The following FBXW7 variants were observed in gnomAD, a reference collection of about 807,000 sequenced individuals.
FBXW7 encodes the protein F-box and WD repeat domain containing 7.
FBXW7 carries 11 observed loss-of-function variants against 86.3 expected under a neutral mutation model. The observed-to-expected ratio is 0.13, with a 90% CI of 0.08 to 0.21. FBXW7 has a LOEUF of 0.21. Ranked by LOEUF, FBXW7 falls within the 10% of genes least tolerant of loss-of-function variation. FBXW7 has a pLI of 1.00. For synonymous variants in FBXW7, 313 were observed against 297.9 expected (o/e 1.05, Z -0.52); for missense variants, 488 against 847.4 (o/e 0.58, Z 5.27).
At chr4:152,440,403 G>A (rs773463567) in intron 2 of FBXW7, among the ~76,000 whole-genome samples, 30 of 152,214 alleles carry the variant, frequency 2.0e-4, no homozygotes, top group Non-Finnish European at 3.7e-4. Context: ...TCACTAAGCA[G>A]AACAATAACA....
chr4:152,354,352 T>C (rs1333504029), intron 4 of FBXW7, among the ~76,000 whole-genome samples: 1 of 151,880 alleles, frequency 6.6e-6, no homozygotes, highest in Non-Finnish European at 1.5e-5. Flanking sequence ...AACAAAAAAA[T>C]CTAATTGTTA....
intron 2 of FBXW7, among the ~76,000 whole-genome samples, chr4:152,422,628 T>C (rs1036912032): frequency 5.3e-5 from 8 of 152,106 alleles, no homozygotes; most frequent in African/African-American, 1.9e-4. Context: ...TAAAATAAAA[T>C]ACAGATACAG....
intron 2 of FBXW7, among the ~76,000 whole-genome samples, chr4:152,448,986 T>C (rs1338375581): frequency 1.3e-5 from 2 of 152,194 alleles, no homozygotes; most frequent in Non-Finnish European, 2.9e-5. Context: ...GTTCCCTCTG[T>C]AAATGCACAC....
chr4:152,518,077 C>T (rs1399338612), intron 2 of FBXW7, among the ~76,000 whole-genome samples: 1 of 152,184 alleles, frequency 6.6e-6, no homozygotes, highest in African/African-American at 2.4e-5. Context: ...CAACCTCCAC[C>T]ACCCGGGTTC....
chr4:152,527,865 T>TACACACACACACAC (rs149379203), intron 2 of FBXW7, among the ~76,000 whole-genome samples: 2 of 137,392 alleles, frequency 1.5e-5, no homozygotes, highest in African/African-American at 6.2e-5. Flanking sequence ...AAAAATTATA[T>TACACACACACACAC]ACACACACAC....
In FBXW7 at chr4:152,357,752, G is replaced by A. The variant is rs188098789; in HGVS notation, c.502-7628C>T. ...GTAAGTTTTTTCATTCCTTCAGATT[G>A]GGCCAAATTAGTCATCTGATGGACA... On this transcript the variant is annotated intron_variant, in intron 4 of 13. Coordinates refer to ENST00000281708, the MANE Select transcript of FBXW7 (RefSeq NM_001349798.2). 3.4e-4 allele frequency among the ~76,000 whole-genome samples: 52 copies of A among 152,128 alleles called. No individual in the cohort carries two copies. In the South Asian group the frequency reaches 3.7e-3, roughly 11 times the overall value.
chr4:152,464,783 T>C (rs999593552), intron 2 of FBXW7, among the ~76,000 whole-genome samples: 2 of 152,230 alleles, frequency 1.3e-5, no homozygotes, highest in African/African-American at 4.8e-5. Flanking sequence ...TCTATGTATG[T>C]GGCTTAATCT....
intron 2 of FBXW7, among the ~76,000 whole-genome samples, chr4:152,464,632 C>T (rs1488162172): frequency 3.3e-5 from 5 of 152,086 alleles, no homozygotes; most frequent in South Asian, 2.1e-4. Context: ...ACTCTAGCAA[C>T]GCTAGGCAGC....
chr4:152,409,283 C>T (rs1050798539), intron 4 of FBXW7, among the ~76,000 whole-genome samples: 1 of 152,096 alleles, frequency 6.6e-6, no homozygotes, highest in Non-Finnish European at 1.5e-5. Flanking sequence ...TATGCCTCTA[C>T]TCTCAAAAGT....
intron 2 of FBXW7, among the ~76,000 whole-genome samples, chr4:152,455,135 AT>A (rs1742290601): frequency 6.6e-6 from 1 of 152,164 alleles, no homozygotes; most frequent in African/African-American, 2.4e-5. Context: ...CTAAATACTG[AT>A]TTTTTAAATA....
chr4:152,373,887 C>T (rs1400854883), intron 4 of FBXW7, among the ~76,000 whole-genome samples: 7 of 151,824 alleles, frequency 4.6e-5, no homozygotes, highest in East Asian at 3.9e-4. Flanking sequence ...CAAAGAAAAC[C>T]GACAATTACA....
At chr4:152,435,589 CATTAGCTTG>C (rs1740309716) in intron 2 of FBXW7, among the ~76,000 whole-genome samples, 1 of 152,220 alleles carries the variant, frequency 6.6e-6, no homozygotes, top group South Asian at 2.1e-4. Flanking sequence ...ACTCACACTA[CATTAGCTTG>C]ATTAGCAAGT....
intron 2 of FBXW7, among the ~76,000 whole-genome samples, chr4:152,425,585 A>G (rs1323091857): frequency 6.6e-6 from 1 of 152,126 alleles, no homozygotes; most frequent in Non-Finnish European, 1.5e-5. Flanking sequence ...AAAATACCAG[A>G]TAAAACAAAA....
At chr4:152,412,412 T>C (rs562461287) in intron 3 of FBXW7, 68 bp downstream of exon 3, 1 of 152,042 alleles carries the variant, frequency 6.6e-6, no homozygotes, top group Non-Finnish European at 1.5e-5. Context: ...TATTTTAATT[T>C]TTTTACAAAT....
chr4:152,457,390 C>T (rs1388428985), intron 2 of FBXW7, among the ~76,000 whole-genome samples: 2 of 152,156 alleles, frequency 1.3e-5, no homozygotes, highest in Non-Finnish European at 2.9e-5. Context: ...CGCCTGTAAT[C>T]CCAGCACTCT....
intron 4 of FBXW7, among the ~76,000 whole-genome samples, chr4:152,374,263 AT>A (rs886574500): frequency 2.0e-4 from 30 of 151,878 alleles, no homozygotes; most frequent in East Asian, 3.9e-4. Flanking sequence ...AAAGTACTGT[AT>A]TTTTTTTCTC....
chr4:152,351,782 T>TA (rs1578962051), intron 4 of FBXW7, among the ~76,000 whole-genome samples: 1 of 152,108 alleles, frequency 6.6e-6, no homozygotes, highest in East Asian at 1.9e-4. Flanking sequence ...GGATACCTTG[T>TA]AAAAAACATT....
At chr4:152,493,743 A>G (rs998737564) in intron 2 of FBXW7, among the ~76,000 whole-genome samples, 8 of 152,176 alleles carry the variant, frequency 5.3e-5, no homozygotes, top group African/African-American at 1.7e-4. Context: ...AAGAAAACAA[A>G]CCTGCCAACA....
chr4:152,398,128 T>C (rs551295923), intron 4 of FBXW7, among the ~76,000 whole-genome samples: 2 of 151,954 alleles, frequency 1.3e-5, no homozygotes, highest in Non-Finnish European at 2.9e-5. Flanking sequence ...GTGCACATAA[T>C]TACTGTTGAG....
Sources: gnomAD v4.1 joint callset for allele counts (sites outside exome capture counted in the v4.1 genomes callset) on GRCh38, gnomAD v4.1.1 for gene constraint, MANE v1.5 for transcripts, NCBI Gene and HGNC (gene_info 2026-07-23, HGNC 2026-07-21) for gene names.